Variants in ABCC2 observed in about 807,000 individuals in gnomAD.
ABCC2 encodes ATP binding cassette subfamily C member 2, also known as ATP-binding cassette sub-family C member 2.
Under a neutral mutation model 173.4 loss-of-function variants are expected in ABCC2, and 157 were observed. That is an observed-to-expected ratio of 0.91 (90% CI 0.80 to 1.03). The LOEUF is 1.03. ABCC2 is among the 50% of genes least tolerant of loss of function. ABCC2 has a pLI of 0.00. For synonymous variants in ABCC2, 657 were observed against 693.5 expected (o/e 0.95, Z 0.83); for missense variants, 1,822 against 1,852.3 (o/e 0.98, Z 0.30).
intron 2 of ABCC2, among the ~76,000 whole-genome samples, chr10:99,791,624 G>T (rs1421143033): frequency 1.3e-5 from 2 of 152,182 alleles, no homozygotes; most frequent in African/African-American, 4.8e-5. Context: ...AGCTGTCTGG[G>T]GTTACTGGCA....
Position 99,818,974 on chromosome 10 carries a change from C to T in ABCC2, c.2439+17C>T. 2.0e-6 allele frequency: 3 copies of T among 1,522,334 alleles called. No individual in the cohort carries two copies. Among genetic ancestry groups the T allele is most frequent in the Non-Finnish European group, 2.7e-6 (3 of 1,107,756 alleles). The allele number at this position is 1,522,334 out of a possible 1,614,324, so 94.3% of individuals were successfully genotyped here. On this transcript the variant is annotated intron_variant, in intron 18 of 31. Transcript: ENST00000647814. ...AAAGGCAAGGTGAGAAATCATTGAA[C>T]ATGATGAAGATATAAAGGTGGGGTG...
chr10:99,821,014 G>A (rs916489090), intron 19 of ABCC2, among the ~76,000 whole-genome samples: 7 of 152,192 alleles, frequency 4.6e-5, no homozygotes, highest in African/African-American at 1.7e-4. Context: ...TTCTCGAAGA[G>A]GGGGATGTGT....
intron 19 of ABCC2, among the ~76,000 whole-genome samples, chr10:99,827,520 T>C (rs2038665249): frequency 6.6e-6 from 1 of 152,136 alleles, no homozygotes; most frequent in Non-Finnish European, 1.5e-5. Context: ...AACGCTATCT[T>C]CTTCTGTTTG....
chr10:99,804,140 G>A lies in ABCC2; in HGVS notation c.1331G>A (p.Ser444Asn), dbSNP rs746612317. 1.6e-5 allele frequency: 26 copies of A among 1,614,056 alleles called. No individual in the cohort carries two copies. Among genetic ancestry groups the A allele is most frequent in the Non-Finnish European group, 2.2e-5 (26 of 1,180,042 alleles). Residue 444 changes from serine (S) to asparagine (N), a missense_variant, in exon 10 of 32, where the codon AGT (serine) becomes AAT (asparagine). Transcript: ENST00000647814. ...VTNFMHMLWS[S>N]VLQIVLSIFF... ...AACTTCATGCACATGCTGTGGTCAA[G>A]TGTTCTACAGATTGTCTTATCTATC...
chr10:99,814,320 CGTATGTATACACACAT>C (rs1326079511), intron 16 of ABCC2, among the ~76,000 whole-genome samples: 1 of 140,110 alleles, frequency 7.1e-6, no homozygotes, highest in Non-Finnish European at 1.6e-5. Flanking sequence ...TATATACACA[CGTATGTATACACACAT>C]GTATATATAC....
chr10:99,817,626 T>C (rs568099217), intron 17 of ABCC2, 142 bp downstream of exon 17: 1 of 947,364 alleles, frequency 1.1e-6, no homozygotes, highest in East Asian at 2.6e-5. Flanking sequence ...AAATCATGTG[T>C]TTGTACTAAG....
At chr10:99,797,074 C>T (rs373215554) in intron 6 of ABCC2, 23 bp from the exon 7 acceptor site, 612 of 1,608,912 alleles carry the variant, frequency 3.8e-4, no homozygotes, top group Non-Finnish European at 5.0e-4. Context: ...GGGGTCTCAG[C>T]CTGTGGTTCG....
At chr10:99,811,004 A>G (rs982484436) in intron 14 of ABCC2, among the ~76,000 whole-genome samples, 5 of 151,958 alleles carry the variant, frequency 3.3e-5, no homozygotes, top group Non-Finnish European at 5.9e-5. Context: ...AGCCTAGGCA[A>G]CAAGAGTGAA....
chr10:99,813,829 T>A (rs1001162540), intron 16 of ABCC2, among the ~76,000 whole-genome samples: 2 of 152,158 alleles, frequency 1.3e-5, no homozygotes, highest in East Asian at 3.9e-4. Context: ...TTGTAATAGA[T>A]CACTAAAAAC....
rs550552595 is a variant in ABCC2, at chr10:99,787,662, AT to A, written c.207+2884del. On this transcript the variant is annotated intron_variant, in intron 2 of 31. Coordinates refer to ENST00000647814, the MANE Select transcript of ABCC2 (RefSeq NM_000392.5). ...TTTTTTAATTTGTTAAGTGTATTTC[AT>A]TTGCGAATTGTCTGTTCATATCACT... 3.6e-3 allele frequency among the ~76,000 whole-genome samples: 541 copies of A among 151,316 alleles called. 5 individuals are homozygous for A. Among genetic ancestry groups the A allele is most frequent in the African/African-American group, 0.013 (525 of 41,210 alleles).
intron 17 of ABCC2, among the ~76,000 whole-genome samples, chr10:99,817,742 G>A (rs1564688066): frequency 6.6e-6 from 1 of 152,214 alleles, no homozygotes; most frequent in Non-Finnish European, 1.5e-5. Flanking sequence ...CAAAGGCCAT[G>A]AGAAGTTAAC....
In ABCC2 at chr10:99,819,148, T is replaced by C. The variant is rs75148532; in HGVS notation, c.2499T>C (p.Val833=). The change falls in exon 19 of 32, where the codon GTT becomes GTC. Residue 833 remains valine, a synonymous_variant. Coordinates refer to ENST00000647814, the MANE Select transcript of ABCC2 (RefSeq NM_000392.5). ...TTCCTCAAGTGGATGAGATTGTAGT[T>C]CTGGGGAATGGAACAATTGTAGAGA... ...HFLPQVDEIV[V]LGNGTIVEKG... 3.2e-5 allele frequency: 51 copies of C among 1,614,134 alleles called. No individual in the cohort carries two copies. The African/African-American group carries it at 6.4e-4, about 20-fold the overall frequency.
rs747293124 is a variant in ABCC2, at chr10:99,793,691, GA to G, written c.468+13del. The G allele has an allele frequency of 6.3e-5, 101 of 1,613,818 alleles. 1 individual carries two copies. The Middle Eastern group carries it at 2.8e-3, about 45-fold the overall frequency. On this transcript the variant is annotated splice_region_variant and intron_variant, in intron 4 of 31. Coordinates refer to ENST00000647814, the MANE Select transcript of ABCC2 (RefSeq NM_000392.5). ...TGATCCGGACACTCTTACAGGTAAGGAAAAAAAGAGTGGATGACATGAGGAG... is the reference window on the plus strand; with the variant it reads ...TGATCCGGACACTCTTACAGGTAAGGAAAAAAGAGTGGATGACATGAGGAG...
rs1464984626 is a variant in ABCC2 at position 99,797,367 on chromosome 10, C to G, written c.867+36C>G. On this transcript the variant is annotated intron_variant, in intron 7 of 31. Coordinates refer to ENST00000647814, the MANE Select transcript of ABCC2 (RefSeq NM_000392.5). ...CTTGAGTGTCTGTGTGAGCGCGCTG[C>G]ATGTTTCAGGCAAGGGTACATCAGC... The G allele has an allele frequency of 1.9e-6, 3 of 1,568,018 alleles. No homozygotes were observed. The African/African-American group carries it at 4.1e-5, about 21-fold the overall frequency.
intron 16 of ABCC2, among the ~76,000 whole-genome samples, chr10:99,816,130 G>A (rs2038404825): frequency 6.6e-6 from 1 of 151,814 alleles, no homozygotes; most frequent in Admixed American, 6.6e-5. Flanking sequence ...ACCATGCCCG[G>A]CTAATTTTTG....
rs60123852 is a variant in ABCC2 at position 99,807,863 on chromosome 10, A to C, written c.1669-220A>C. On this transcript the variant is annotated intron_variant, in intron 12 of 31. Coordinates refer to ENST00000647814, the MANE Select transcript of ABCC2 (RefSeq NM_000392.5). ...TGGAAGGAACACTGATATAGGATCC[A>C]GGAGACCTGAGCTCTGGTCCTAGTA... Among the ~76,000 whole-genome samples the C allele has an allele frequency of 0.021, 3,243 of 152,314 alleles. 129 individuals are homozygous for C. The highest frequency in any genetic ancestry group is 0.073 in the African/African-American group (3,020 of 41,558).
In ABCC2 at chr10:99,810,128, CTCTAGG is replaced by C. The variant is rs1726050111; in HGVS notation, c.1816-5_1816del. On this transcript the variant is annotated splice_acceptor_variant and splice_polypyrimidine_tract_variant and coding_sequence_variant and intron_variant, in exon 14 of 32. Transcript: ENST00000647814. LOFTEE classifies it high-confidence loss of function. ...AATTCTTGAGATCCTTTGTGTCCTT[CTCTAGG>C]CCAGTGTTTCCACAGAGCGGCTAGA... is the stretch of plus-strand genomic sequence containing the variant. 6.2e-7 allele frequency: 1 copy of C among 1,612,866 alleles called. No individual in the cohort carries two copies. Among genetic ancestry groups the C allele is most frequent in the African/African-American group, 1.3e-5 (1 of 74,902 alleles).
At chr10:99,818,253 G>C (rs1381153606) in intron 17 of ABCC2, among the ~76,000 whole-genome samples, 1 of 151,824 alleles carries the variant, frequency 6.6e-6, no homozygotes, top group Non-Finnish European at 1.5e-5. Flanking sequence ...TGACTGTATT[G>C]TATTTATTAT....
intron 21 of ABCC2, 41 bp downstream of exon 21, chr10:99,830,892 G>A (rs757250606): frequency 1.9e-6 from 3 of 1,612,286 alleles, no homozygotes; most frequent in African/African-American, 2.7e-5. Flanking sequence ...GGTGTTATAA[G>A]GTTTAGAACC....
Sources: allele counts gnomAD v4.1 joint callset (sites outside exome capture counted in the v4.1 genomes callset), GRCh38; gene constraint gnomAD v4.1.1; transcripts MANE v1.5; gene names NCBI Gene and HGNC (gene_info 2026-07-23, HGNC 2026-07-21).